The following CAPZB variants were observed in gnomAD, a reference collection of about 807,000 sequenced individuals.
CAPZB encodes the protein F-actin-capping protein subunit beta.
Under a neutral mutation model 38.1 loss-of-function variants are expected in CAPZB, and 2 were observed. That is an observed-to-expected ratio of 0.05 (90% CI 0.02 to 0.17). The LOEUF (loss-of-function observed/expected upper bound fraction) is 0.17. Ranked by LOEUF, CAPZB falls within the 10% of genes least tolerant of loss-of-function variation. The pLI is 1.00. For synonymous variants in CAPZB, 107 were observed against 127.4 expected (o/e 0.84, Z 1.08); for missense variants, 161 against 334.2 (o/e 0.48, Z 4.04).
chr1:19,379,828 A>C (rs2094164432), intron 3 of CAPZB, among the ~76,000 whole-genome samples: 1 of 152,194 alleles, frequency 6.6e-6, no homozygotes, highest in South Asian at 2.1e-4. Context: ...GTTCAGAGAA[A>C]GTAGCAGAAT....
chr1:19,356,859 A>AC lies in CAPZB; in HGVS notation c.472-109dup, dbSNP rs753417593. The AC allele has an allele frequency of 1.3e-5, 9 of 698,844 alleles. No individual in the cohort carries two copies. The highest frequency in any genetic ancestry group is 2.0e-5 in the African/African-American group (1 of 50,254). 43.3% of individuals were successfully genotyped at this position (698,844 alleles called of 1,614,324 possible). A position where few individuals can be genotyped will look rare whatever the true frequency, so the allele number is the denominator to read the frequency against. ...CTTCCTAGGTCATTATCACAATATT[A>AC]CCTTTTTTTTTTTTAAATTGGAGAC... On this transcript the variant is annotated intron_variant, in intron 5 of 8. Transcript: ENST00000264202. The surrounding 1 kb of genome is among the most constrained non-coding windows in gnomAD (Gnocchi z 4.3).
At chr1:19,455,717 T>C (rs953906602) in intron 1 of CAPZB, among the ~76,000 whole-genome samples, 1 of 152,162 alleles carries the variant, frequency 6.6e-6, no homozygotes, top group Non-Finnish European at 1.5e-5. Context: ...CTGACGCCAA[T>C]TGTCACTCAT....
At chr1:19,444,192 A>G (rs548288278) in intron 1 of CAPZB, among the ~76,000 whole-genome samples, 24 of 152,194 alleles carry the variant, frequency 1.6e-4, no homozygotes, top group African/African-American at 5.8e-4. Context: ...GATTTTCATC[A>G]ATGAAGAGCT....
chr1:19,406,088 G>C (rs957996512), intron 2 of CAPZB, among the ~76,000 whole-genome samples: 2 of 152,128 alleles, frequency 1.3e-5, no homozygotes, highest in Non-Finnish European at 2.9e-5. Context: ...TTGTGAGCTC[G>C]ACAGGCCCAG....
Position 19,434,429 on chromosome 1 carries a change from C to A in CAPZB, c.4-14679G>T, listed in dbSNP as rs940569263. 3.2e-3 allele frequency among the ~76,000 whole-genome samples: 480 copies of A among 149,936 alleles called. 3 individuals carry two copies. The highest frequency in any genetic ancestry group is 0.011 in the African/African-American group (434 of 40,416). On this transcript the variant is annotated intron_variant, in intron 1 of 8. Coordinates refer to ENST00000264202, the MANE Select transcript of CAPZB (RefSeq NM_004930.5). ...AATATTCAATTAAATAAAAAAAAAA[C>A]AAAAACAGGCATTGGCTGGGCATGG...
chr1:19,407,558 T>C (rs967385369), intron 2 of CAPZB, among the ~76,000 whole-genome samples: 3 of 152,042 alleles, frequency 2.0e-5, no homozygotes, highest in African/African-American at 7.2e-5. Flanking sequence ...GCAAGGAAGC[T>C]GGGAAACCGA....
At chr1:19,454,246 T>C (rs2094526051) in intron 1 of CAPZB, among the ~76,000 whole-genome samples, 1 of 152,170 alleles carries the variant, frequency 6.6e-6, no homozygotes, top group Non-Finnish European at 1.5e-5. Context: ...TGCTGATAAT[T>C]CACACCTGCA....
At chr1:19,418,936 A>T (rs2094391050) in intron 2 of CAPZB, among the ~76,000 whole-genome samples, 1 of 152,192 alleles carries the variant, frequency 6.6e-6, no homozygotes, top group Admixed American at 6.5e-5. Context: ...AGACTCAGGG[A>T]CTCACGTTCC....
intron 4 of CAPZB, among the ~76,000 whole-genome samples, chr1:19,369,512 C>T (rs960388312): frequency 6.6e-6 from 1 of 152,226 alleles, no homozygotes; most frequent in Admixed American, 6.5e-5. Flanking sequence ...GCAGGCAGGG[C>T]GGGTTCTCAG....
chr1:19,472,383 C>T (rs999552799), intron 1 of CAPZB, among the ~76,000 whole-genome samples: 4 of 152,124 alleles, frequency 2.6e-5, no homozygotes, highest in Admixed American at 1.3e-4. Flanking sequence ...AATAACCTGT[C>T]GGTTATGTAG....
At chr1:19,437,753 GC>G (rs1558261269) in intron 1 of CAPZB, among the ~76,000 whole-genome samples, 1 of 152,190 alleles carries the variant, frequency 6.6e-6, no homozygotes. Flanking sequence ...CCCCAGCAAA[GC>G]GAGCCTCAAA....
At chr1:19,430,066 T>C (rs2094437161) in intron 1 of CAPZB, among the ~76,000 whole-genome samples, 1 of 152,160 alleles carries the variant, frequency 6.6e-6, no homozygotes, top group Non-Finnish European at 1.5e-5. Flanking sequence ...TCAAGAAATA[T>C]TTCCACCATC....
chr1:19,341,817 C>T (rs534440069), intron 8 of CAPZB, among the ~76,000 whole-genome samples: 1 of 152,346 alleles, frequency 6.6e-6, no homozygotes, highest in East Asian at 1.9e-4. Flanking sequence ...TTAAGTCCCA[C>T]GGCCTCGGAA....
chr1:19,390,113 G>A (rs1390871788), intron 2 of CAPZB, among the ~76,000 whole-genome samples: 1 of 152,202 alleles, frequency 6.6e-6, no homozygotes. Context: ...GAACCAGAAT[G>A]AAGGCAGTGT....
At chr1:19,471,607 G>T (rs1368006538) in intron 1 of CAPZB, among the ~76,000 whole-genome samples, 1 of 152,120 alleles carries the variant, frequency 6.6e-6, no homozygotes, top group African/African-American at 2.4e-5. Flanking sequence ...GCTCACACCT[G>T]TAATCCCAGC....
chr1:19,341,748 T>C (rs548327416), intron 8 of CAPZB, among the ~76,000 whole-genome samples: 21 of 152,362 alleles, frequency 1.4e-4, no homozygotes, highest in African/African-American at 4.8e-4. Context: ...ATGGCCACAC[T>C]GTGAGGCTGA....
At chr1:19,459,689 A>C (rs986902443) in intron 1 of CAPZB, among the ~76,000 whole-genome samples, 1 of 152,284 alleles carries the variant, frequency 6.6e-6, no homozygotes, top group East Asian at 1.9e-4. Flanking sequence ...CCTTACCTGC[A>C]GTTTCACTTT....
chr1:19,445,842 G>A (rs1380234213), intron 1 of CAPZB, among the ~76,000 whole-genome samples: 7 of 152,132 alleles, frequency 4.6e-5, no homozygotes, highest in Non-Finnish European at 8.8e-5. Context: ...CTTAAAGCTG[G>A]GGAATCTTAT....
rs192006066 is a variant in CAPZB at position 19,446,351 on chromosome 1, G to C, written c.4-26601C>G. On this transcript the variant is annotated intron_variant, in intron 1 of 8. Transcript: ENST00000264202. ...TACTCAATTACGGTGAAAAGCCATC[G>C]GCAAAAGTTAAAGTGAGTAATATGA... Among the ~76,000 whole-genome samples, 6 of 152,162 alleles carry C rather than the reference G, an allele frequency of 3.9e-5. No individual in the cohort carries two copies. The South Asian group carries it at 1.2e-3, about 31-fold the overall frequency.
Sources: allele counts gnomAD v4.1 joint callset (sites outside exome capture counted in the v4.1 genomes callset), GRCh38; gene constraint gnomAD v4.1.1; non-coding constraint Gnocchi (gnomAD v3.1); transcripts MANE v1.5; gene names NCBI Gene and HGNC (gene_info 2026-07-23, HGNC 2026-07-21).